Variants in SPG11 observed in about 807,000 individuals in gnomAD.
SPG11 encodes the protein SPG11 vesicle trafficking associated, spatacsin, also known as spatacsin.
A neutral mutation model predicts 274.0 loss-of-function variants in SPG11; 222 were observed. That is an observed-to-expected ratio of 0.81 (90% CI 0.73 to 0.91). SPG11 has a LOEUF of 0.91. SPG11 is among the 40% of genes least tolerant of loss of function. The probability of loss-of-function intolerance (pLI) is 0.00; values close to 1 mark genes in which losing one functional copy is unlikely to be tolerated. For synonymous variants in SPG11, 1,144 were observed against 1,039.7 expected (o/e 1.10, Z -1.93); for missense variants, 3,114 against 2,872.7 (o/e 1.08, Z -1.92).
intron 17 of SPG11, among the ~76,000 whole-genome samples, chr15:44,612,074 G>C (rs990901447): frequency 6.6e-6 from 1 of 152,164 alleles, no homozygotes; most frequent in African/African-American, 2.4e-5. Context: ...CTCTCAAAGT[G>C]CTGGGATTAC....
Position 44,562,748 on chromosome 15 carries a change from T to C in SPG11, c.*373A>G. On this transcript the variant is annotated 3_prime_UTR_variant, in exon 40 of 40. Transcript: ENST00000261866. ...AAGATCAGTTTCTAACAAATGAAAATGTATCACCTGTTCCTTAACTGTGTA... is the reference window on the plus strand; with the variant it reads ...AAGATCAGTTTCTAACAAATGAAAACGTATCACCTGTTCCTTAACTGTGTA... 1 of 182,558 alleles carries C rather than the reference T, an allele frequency of 5.5e-6. No homozygotes were observed. Among genetic ancestry groups the C allele is most frequent in the Non-Finnish European group, 1.2e-5 (1 of 86,016 alleles). 11.3% of individuals were successfully genotyped at this position (182,558 alleles called of 1,614,324 possible).
rs764328952 is a variant in SPG11, at chr15:44,629,328, G to A, written c.1796C>T (p.Ser599Phe). ...TGAAAAGTGTTTGCTTTGGGGTTCA[G>A]AATAACTTTCTCTAATTGCCGAGCA... ...LLCSAIRESY[S>F]EPQSKHFSEQ... Residue 599 changes from serine (S) to phenylalanine (F), a missense_variant, in exon 9 of 40, where the codon TCT becomes TTT. Coordinates refer to ENST00000261866, the MANE Select transcript of SPG11 (RefSeq NM_025137.4). The A allele has an allele frequency of 6.2e-7, 1 of 1,614,154 alleles. No individual in the cohort carries two copies. The highest frequency in any genetic ancestry group is 8.5e-7 in the Non-Finnish European group (1 of 1,180,012).
rs115143190 is a variant in SPG11, at chr15:44,591,526, T to G, written c.4743+805A>C. On this transcript the variant is annotated intron_variant, in intron 27 of 39. Transcript: ENST00000261866. ...ACTGGTTAAGCTGGTCAGGCAAGAA[T>G]AAGAAGATACCTGGGAGGTAGCCAA... Among the ~76,000 whole-genome samples the G allele has an allele frequency of 2.9e-3, 435 of 152,294 alleles. 4 individuals carry two copies. The highest frequency in any genetic ancestry group is 1.0e-2 in the African/African-American group (414 of 41,552).
chr15:44,568,248 A>G (rs1259495632), intron 35 of SPG11, among the ~76,000 whole-genome samples: 1 of 152,216 alleles, frequency 6.6e-6, no homozygotes. Flanking sequence ...TACTTTTGTA[A>G]TCAGGAAAAA....
At chr15:44,624,728 TGTG>T (rs1288310083) in intron 11 of SPG11, among the ~76,000 whole-genome samples, 1 of 152,210 alleles carries the variant, frequency 6.6e-6, no homozygotes, top group African/African-American at 2.4e-5. Flanking sequence ...TTAGCTTACT[TGTG>T]GTAATTTTTT....
intron 28 of SPG11, among the ~76,000 whole-genome samples, chr15:44,587,970 T>G (rs1018679756): frequency 3.3e-5 from 5 of 152,172 alleles, no homozygotes; most frequent in Non-Finnish European, 5.9e-5. Context: ...CAGTAACTGG[T>G]AAGTGCCATC....
intron 33 of SPG11, among the ~76,000 whole-genome samples, chr15:44,570,881 A>G (rs2082409898): frequency 1.3e-5 from 2 of 152,156 alleles, no homozygotes; most frequent in Admixed American, 1.3e-4. Context: ...CCTCAAAGAC[A>G]ATCATGTAGT....
Position 44,570,574 on chromosome 15 carries a change from T to G in SPG11, c.6428A>C (p.His2143Pro), listed in dbSNP as rs1490278448. The G allele has an allele frequency of 1.2e-6, 2 of 1,614,134 alleles. No individual in the cohort carries two copies. The highest frequency in any genetic ancestry group is 1.7e-6 in the Non-Finnish European group (2 of 1,180,002). Residue 2143 changes from histidine to proline, a missense_variant, in exon 34 of 40, where the codon CAC (histidine) becomes CCC (proline). By Grantham distance (77) the His-to-Pro change is moderately conservative. Transcript: ENST00000261866. ...EGIIRVLQAA[H>P]MLTDNHLAPS... ...GGCCAGGTGGTTATCTGTGAGCATG[T>G]GGGCGGCCTGTAGGACTCGGATGAT...
chr15:44,571,338 T>C (rs2082418830), intron 33 of SPG11, among the ~76,000 whole-genome samples: 1 of 152,130 alleles, frequency 6.6e-6, no homozygotes, highest in Non-Finnish European at 1.5e-5. Context: ...TCATTCTGGC[T>C]CTTACTGTGT....
chr15:44,658,631 T>C (rs1374138038), intron 3 of SPG11, among the ~76,000 whole-genome samples: 1 of 152,042 alleles, frequency 6.6e-6, no homozygotes, highest in Non-Finnish European at 1.5e-5. Context: ...GCTAATTTTT[T>C]TGTATTTTTA....
chr15:44,627,359 T>C (rs2083930745), intron 10 of SPG11, among the ~76,000 whole-genome samples: 1 of 152,156 alleles, frequency 6.6e-6, no homozygotes, highest in Non-Finnish European at 1.5e-5. Flanking sequence ...AAGCCATGTA[T>C]AAAATTTTGT....
At chr15:44,620,013 G>C (rs2083696943) in intron 15 of SPG11, 177 bp downstream of exon 15, 7 of 629,692 alleles carry the variant, frequency 1.1e-5, no homozygotes, top group Admixed American at 2.5e-5. Context: ...ACCGCACTTG[G>C]CCAAATGAGT....
Position 44,563,128 on chromosome 15 carries a change from G to T in SPG11, c.7325C>A (p.Ala2442Glu). The T allele has an allele frequency of 6.2e-7, 1 of 1,613,936 alleles. No homozygotes were observed. Among genetic ancestry groups the T allele is most frequent in the Non-Finnish European group, 8.5e-7 (1 of 1,179,920 alleles). ...QTGCCLKDML[A>E]G The stretch of plus-strand genomic sequence containing the variant: ...AGACACCTATGAAATCATCTAACCT[G>T]CTAGCATGTCCTTTAGACAGCAACC... Residue 2442 changes from alanine (A) to glutamate (E), a missense_variant, in exon 40 of 40, where the codon GCA (alanine) becomes GAA (glutamate). Ala to Glu is a moderately radical substitution (Grantham distance 107, BLOSUM62 -1). Coordinates refer to ENST00000261866, the MANE Select transcript of SPG11 (RefSeq NM_025137.4).
intron 3 of SPG11, among the ~76,000 whole-genome samples, chr15:44,658,633 G>C (rs1397149473): frequency 6.6e-6 from 1 of 151,858 alleles, no homozygotes; most frequent in African/African-American, 2.4e-5. Flanking sequence ...TAATTTTTTT[G>C]TATTTTTAGC....
At position 44,574,883 on chromosome 15, in the gene SPG11, C is replaced by T. The variant is rs1240325246; in HGVS notation, c.6006+19G>A. The T allele has an allele frequency of 1.2e-6, 2 of 1,613,434 alleles. No individual in the cohort carries two copies. The highest frequency in any genetic ancestry group is 1.7e-6 in the Non-Finnish European group (2 of 1,179,976). On this transcript the variant is annotated intron_variant, in intron 31 of 39. Transcript: ENST00000261866. ...TTCCCTCCCTCTCAGAAAGAGGAGCCCCACCCCTTGGCACATACCTTGGCA... is the reference window on the plus strand; with the variant it reads ...TTCCCTCCCTCTCAGAAAGAGGAGCTCCACCCCTTGGCACATACCTTGGCA...
At chr15:44,601,249 C>A (rs951808262) in intron 20 of SPG11, among the ~76,000 whole-genome samples, 4 of 152,030 alleles carry the variant, frequency 2.6e-5, no homozygotes, top group African/African-American at 9.7e-5. Context: ...TTAAAGTATA[C>A]AACATAATTG....
chr15:44,651,135 T>C (rs1242122782), intron 6 of SPG11, among the ~76,000 whole-genome samples: 1 of 152,176 alleles, frequency 6.6e-6, no homozygotes, highest in African/African-American at 2.4e-5. Flanking sequence ...TTTAAAAGCC[T>C]AGACAGTGCA....
chr15:44,585,034 T>C (rs758967647), intron 29 of SPG11, among the ~76,000 whole-genome samples: 4 of 152,200 alleles, frequency 2.6e-5, no homozygotes, highest in Non-Finnish European at 4.4e-5. Context: ...CAATTCTTGA[T>C]TGATCTCATG....
intron 6 of SPG11, among the ~76,000 whole-genome samples, chr15:44,651,237 T>C (rs1371610068): frequency 6.6e-6 from 1 of 152,070 alleles, no homozygotes; most frequent in Non-Finnish European, 1.5e-5. Context: ...ACTCTTTGGG[T>C]TAAAAATAAT....
Sources: allele counts gnomAD v4.1 joint callset (sites outside exome capture counted in the v4.1 genomes callset), GRCh38; gene constraint gnomAD v4.1.1; transcripts MANE v1.5; gene names NCBI Gene and HGNC (gene_info 2026-07-23, HGNC 2026-07-21).